KIF16B: variants seen among roughly 807,000 people sequenced by gnomAD.
KIF16B encodes the protein kinesin-like protein KIF16B.
Under a neutral mutation model 156.3 loss-of-function variants are expected in KIF16B, and 98 were observed. The ratio of observed to expected loss-of-function variants is 0.63; its 90% CI spans 0.53 to 0.74. The LOEUF (loss-of-function observed/expected upper bound fraction) is 0.74, where lower values mean the gene tolerates loss of function less well. KIF16B is among the 30% of genes least tolerant of loss of function. The pLI, the probability that KIF16B is intolerant of heterozygous loss-of-function variation, is 0.00. For synonymous variants in KIF16B, 564 were observed against 583.7 expected (o/e 0.97, Z 0.49); for missense variants, 1,421 against 1,606.5 (o/e 0.88, Z 1.97).
intron 11 of KIF16B, 22 bp from the exon 12 acceptor site, chr20:16,494,372 C>A: frequency 6.7e-7 from 1 of 1,485,752 alleles, no homozygotes; most frequent in Non-Finnish European, 9.3e-7. Context: ...AATATACATA[C>A]GTGACTGCTT....
intron 12 of KIF16B, among the ~76,000 whole-genome samples, chr20:16,454,873 A>C (rs150847525): frequency 2.0e-3 from 299 of 152,350 alleles, no homozygotes; most frequent in Non-Finnish European, 3.0e-3. Flanking sequence ...TAGTTCTCAG[A>C]AGTAGGAATC....
At chr20:16,485,730 G>C (rs2068095238) in intron 12 of KIF16B, among the ~76,000 whole-genome samples, 1 of 152,132 alleles carries the variant, frequency 6.6e-6, no homozygotes, top group Non-Finnish European at 1.5e-5. Context: ...GACAGAAACT[G>C]TGTCCTCATG....
chr20:16,499,609 T>C (rs1364413513), intron 10 of KIF16B, among the ~76,000 whole-genome samples: 1 of 152,246 alleles, frequency 6.6e-6, no homozygotes, highest in African/African-American at 2.4e-5. Flanking sequence ...ATTGTTTATA[T>C]GTGGTTGACA....
Position 16,379,511 on chromosome 20 carries a change from T to G in KIF16B, c.2491A>C (p.Arg831=). 4 of 1,614,184 alleles carry G rather than the reference T, an allele frequency of 2.5e-6. No individual in the cohort carries two copies. The highest frequency in any genetic ancestry group is 3.4e-6 in the Non-Finnish European group (4 of 1,180,036). ...AQLRFFEFKR[R]QLVKLVNLEK... is the part of the protein sequence containing the mutation. ...AAGTTCACTAGCTTGACAAGCTGCCTTCTCTTGAATTCGAAGAAACGCAGT... is the reference window on the plus strand; with the variant it reads ...AAGTTCACTAGCTTGACAAGCTGCCGTCTCTTGAATTCGAAGAAACGCAGT... The change falls in exon 19 of 26, where the codon AGG becomes CGG. Residue 831 remains arginine, a synonymous_variant. Transcript: ENST00000354981.
In KIF16B at chr20:16,380,088, C is replaced by A. The variant is rs149393541; in HGVS notation, c.1914G>T (p.Glu638Asp). The change falls in exon 19 of 26, where the codon GAG (glutamate) becomes GAT (aspartate). Residue 638 changes from glutamate (E) to aspartate (D), a missense_variant. Coordinates refer to ENST00000354981, the MANE Select transcript of KIF16B (RefSeq NM_024704.5). ...AELERMQQEV[E>D]TQRKETEIVQ... ...CGATTTCTGTCTCCTTGCGCTGGGT[C>A]TCCACCTCCTGCTGCATCCGCTCCA... The A allele has an allele frequency of 2.0e-6, 3 of 1,534,208 alleles. No homozygotes were observed. The highest frequency in any genetic ancestry group is 2.6e-6 in the Non-Finnish European group (3 of 1,146,204).
intron 25 of KIF16B, among the ~76,000 whole-genome samples, chr20:16,289,576 G>A (rs905404601): frequency 2.0e-5 from 3 of 152,168 alleles, no homozygotes; most frequent in Non-Finnish European, 4.4e-5. Context: ...TGTTAAGGCC[G>A]GGCGCGGTGG....
chr20:16,537,602 T>C (rs1292975192), intron 1 of KIF16B, among the ~76,000 whole-genome samples: 2 of 151,780 alleles, frequency 1.3e-5, no homozygotes, highest in African/African-American at 2.4e-5. Context: ...CCCACGTGGG[T>C]CTCCCTATGT....
intron 17 of KIF16B, among the ~76,000 whole-genome samples, chr20:16,399,695 C>A (rs917397564): frequency 6.6e-6 from 1 of 152,170 alleles, no homozygotes; most frequent in African/African-American, 2.4e-5. Flanking sequence ...CCTAGTTTTT[C>A]AAGGTTGTAC....
intron 1 of KIF16B, among the ~76,000 whole-genome samples, chr20:16,565,692 G>A (rs1468670462): frequency 1.3e-5 from 2 of 152,236 alleles, no homozygotes; most frequent in East Asian, 1.9e-4. Context: ...CTGCAAATGC[G>A]CATCCGCAGA....
rs1600726850 is a variant in KIF16B, at chr20:16,573,348, T to C, written c.-73A>G. 1 of 1,526,356 alleles carries C rather than the reference T, an allele frequency of 6.6e-7. No individual in the cohort carries two copies. Among genetic ancestry groups the C allele is most frequent in the East Asian group, 2.3e-5 (1 of 42,896 alleles). 94.6% of individuals were successfully genotyped at this position (1,526,356 alleles called of 1,614,324 possible). ...CGCGGTCGCCGGCGACGCTGGCTAC[T>C]CAGATCGCGGCTCCCGCCCACTTCC... On this transcript the variant is annotated 5_prime_UTR_variant, in exon 1 of 26. Transcript: ENST00000354981.
At chr20:16,290,324 T>TCGAGAACA (rs2122474378) in intron 25 of KIF16B, among the ~76,000 whole-genome samples, 1 of 152,336 alleles carries the variant, frequency 6.6e-6, no homozygotes, top group East Asian at 1.9e-4. Flanking sequence ...ACTGGATGCA[T>TCGAGAACA]CGAGAACACT....
chr20:16,503,198 G>A (rs993692990), intron 10 of KIF16B, among the ~76,000 whole-genome samples: 9 of 152,128 alleles, frequency 5.9e-5, no homozygotes, highest in Admixed American at 5.2e-4. Flanking sequence ...GCAACACAGT[G>A]AGACTCTATC....
chr20:16,429,420 T>A (rs2066441753), intron 13 of KIF16B, among the ~76,000 whole-genome samples: 1 of 152,160 alleles, frequency 6.6e-6, no homozygotes, highest in Non-Finnish European at 1.5e-5. Flanking sequence ...TACAGGGGCA[T>A]CCATTAATAC....
At chr20:16,531,610 G>A (rs562265817) in intron 1 of KIF16B, among the ~76,000 whole-genome samples, 1 of 152,334 alleles carries the variant, frequency 6.6e-6, no homozygotes, top group Non-Finnish European at 1.5e-5. Flanking sequence ...ACAAGTGTAA[G>A]TGGGAACACG....
At chr20:16,478,909 A>T (rs904785001) in intron 12 of KIF16B, among the ~76,000 whole-genome samples, 1 of 152,144 alleles carries the variant, frequency 6.6e-6, no homozygotes, top group African/African-American at 2.4e-5. Flanking sequence ...ATAAGGGGGG[A>T]CTATTGTACA....
At chr20:16,467,039 G>T (rs1321375450) in intron 12 of KIF16B, among the ~76,000 whole-genome samples, 1 of 152,206 alleles carries the variant, frequency 6.6e-6, no homozygotes, top group African/African-American at 2.4e-5. Flanking sequence ...ATATGGCAGG[G>T]CATTCTGTTC....
At chr20:16,472,387 G>A (rs1047448619) in intron 12 of KIF16B, among the ~76,000 whole-genome samples, 1 of 151,932 alleles carries the variant, frequency 6.6e-6, no homozygotes, top group African/African-American at 2.4e-5. Context: ...TTAAGGAGGA[G>A]GAAACAGGTT....
At chr20:16,482,393 C>T (rs754554574) in intron 12 of KIF16B, among the ~76,000 whole-genome samples, 2 of 151,982 alleles carry the variant, frequency 1.3e-5, no homozygotes, top group Non-Finnish European at 2.9e-5. Context: ...TCCAACCTGC[C>T]GCTCCTAGTA....
At chr20:16,279,065 T>C (rs2063106768) in intron 25 of KIF16B, among the ~76,000 whole-genome samples, 1 of 152,176 alleles carries the variant, frequency 6.6e-6, no homozygotes, top group Admixed American at 6.5e-5. Flanking sequence ...TGCTTCGGTA[T>C]CTCCCTTACA....
Sources: allele counts gnomAD v4.1 joint callset (sites outside exome capture counted in the v4.1 genomes callset), GRCh38; gene constraint gnomAD v4.1.1; transcripts MANE v1.5; gene names NCBI Gene and HGNC (gene_info 2026-07-23, HGNC 2026-07-21).